The following MYBPC3 variants were observed in gnomAD, a reference collection of about 807,000 sequenced individuals.
MYBPC3 encodes the protein myosin-binding protein C, cardiac-type.
In MYBPC3, 108 loss-of-function variants were observed where a neutral mutation model predicts 159.3. The observed-to-expected ratio is 0.68, with a 90% CI of 0.58 to 0.80. The LOEUF is 0.80. Ranked by LOEUF, MYBPC3 falls within the 30% of genes least tolerant of loss-of-function variation. The pLI is 0.00. For missense variants in MYBPC3, 1,631 were observed against 1,762.1 expected (o/e 0.93, Z 1.33); for synonymous variants, 730 against 702.0 (o/e 1.04, Z -0.63).
Position 47,332,726 on chromosome 11 carries a change from C to A in MYBPC3, c.3491-24G>T, listed in dbSNP as rs1174584152. The A allele has an allele frequency of 6.3e-7, 1 of 1,594,668 alleles. No homozygotes were observed. Among genetic ancestry groups the A allele is most frequent in the Non-Finnish European group, 8.5e-7 (1 of 1,170,162 alleles). On this transcript the variant is annotated intron_variant, in intron 31 of 34. Transcript: ENST00000545968. The surrounding 1 kb of genome is among the most constrained non-coding windows in gnomAD (Gnocchi z 4.2). ...GCCTGTTGGTGACAGGACTTGGTAC[C>A]GAGAGGGCCACACAAAGCTAGGCCC...
intron 23 of MYBPC3, 87 bp from the exon 24 acceptor site, chr11:47,337,881 C>T: frequency 9.0e-7 from 1 of 1,110,720 alleles, no homozygotes; most frequent in Non-Finnish European, 1.3e-6. Context: ...CTCCAACTAA[C>T]CGCCACAGGC....
Position 47,351,261 on chromosome 11 carries a change from G to A in MYBPC3, c.270C>T (p.Phe90=), listed in dbSNP as rs367990952. ...AVIAGSSKVK[F]DLKVIEAEKA... ...TACCTGCCTCTATGACCTTGAGGTC[G>A]AACTTGACCTTGGAGGAGCCAGCAA... The change falls in exon 2 of 35, where the codon TTC becomes TTT. Residue 90 remains phenylalanine, a synonymous_variant. Transcript: ENST00000545968. This position sits in a 1 kb window ranked among gnomAD's most constrained non-coding sequence, Gnocchi z 4.2. The A allele has an allele frequency of 3.1e-5, 48 of 1,548,184 alleles. No homozygotes were observed. The highest frequency in any genetic ancestry group is 1.1e-4 in the African/African-American group (8 of 73,308).
rs1279275222 is a variant in MYBPC3, at chr11:47,342,953, G to A, written c.1352-18C>T. 6.2e-7 allele frequency: 1 copy of A among 1,611,260 alleles called. No individual in the cohort carries two copies. Among genetic ancestry groups the A allele is most frequent in the Non-Finnish European group, 8.5e-7 (1 of 1,178,826 alleles). On this transcript the variant is annotated intron_variant, in intron 15 of 34. Transcript: ENST00000545968. ...AGGGGGCTCTGTCCAGGCAGGGTGA[G>A]CATGAGGGTTGGCTCCCCTGAGGCC...
At chr11:47,348,581 G>T (rs1467308745) in intron 5 of MYBPC3, 40 bp from the exon 6 acceptor site, 3 of 1,523,736 alleles carry the variant, frequency 2.0e-6, no homozygotes, top group Non-Finnish European at 2.7e-6. Context: ...GGACACCAGG[G>T]GCCGGGAGAC....
In MYBPC3 at chr11:47,342,719, G is replaced by T. The variant is rs397515905; in HGVS notation, c.1483C>A (p.Arg495=). The change falls in exon 17 of 35, where the codon CGG becomes AGG. Residue 495 remains arginine, a synonymous_variant. Coordinates refer to ENST00000545968, the MANE Select transcript of MYBPC3 (RefSeq NM_000256.3). ...KWLKDGVELT[R]EETFKYRFKK... is the part of the protein sequence containing the mutation. ...AACCGGTATTTGAAGGTCTCCTCCC[G>T]GGTCAGCTCCACCCCGTCCTTCAGC... 3 of 1,613,880 alleles carry T rather than the reference G, an allele frequency of 1.9e-6. No homozygotes were observed. In the Admixed American group the frequency reaches 5.0e-5, roughly 27 times the overall value.
Position 47,350,061 on chromosome 11 carries a change from G to A in MYBPC3, c.458C>T (p.Pro153Leu), listed in dbSNP as rs756328813. The A allele has an allele frequency of 1.3e-6, 2 of 1,563,340 alleles. No individual in the cohort carries two copies. The highest frequency in any genetic ancestry group is 1.4e-5 in the African/African-American group (1 of 73,550). ...NGPTPGAPDDPIGLFVMRPQD... is the reference protein window; with the variant it reads ...NGPTPGAPDDLIGLFVMRPQD... ...TGGCCGCATCACGAAGAGGCCAATG[G>A]GGTCATCGGGGGCTCCAGGGGTAGG... is the stretch of plus-strand genomic sequence containing the variant. Residue 153 changes from proline (P) to leucine (L), a missense_variant, in exon 4 of 35, where the codon CCC becomes CTC. Physicochemically the swap from Pro to Leu is moderately conservative, Grantham distance 98. Transcript: ENST00000545968.
intron 24 of MYBPC3, 32 bp from the exon 25 acceptor site, chr11:47,337,611 GA>G: frequency 6.2e-7 from 1 of 1,613,492 alleles, no homozygotes; most frequent in East Asian, 2.2e-5. Flanking sequence ...CTCTGGTCTG[GA>G]ACCCAGGCAT....
chr11:47,340,770 T>C (rs561542114), intron 20 of MYBPC3, among the ~76,000 whole-genome samples: 1 of 152,320 alleles, frequency 6.6e-6, no homozygotes, highest in Non-Finnish European at 1.5e-5. Flanking sequence ...TGTCACCTCA[T>C]CTTTATAACT....
In MYBPC3 at chr11:47,332,601, C is replaced by T; in HGVS notation, c.3592G>A (p.Ala1198Thr). The change falls in exon 32 of 35, where the codon GCT becomes ACT. Residue 1198 changes from alanine to threonine, a missense_variant. Coordinates refer to ENST00000545968, the MANE Select transcript of MYBPC3 (RefSeq NM_000256.3). This position sits in a 1 kb window ranked among gnomAD's most constrained non-coding sequence, Gnocchi z 4.2. ...VNRSVIAGYT[A>T]MLCCAVRGSP... is the part of the protein sequence containing the mutation. Reference sequence around the variant, plus strand: ...CCCCGGACAGCACAGCAGAGCATAGCAGTGTAGCCCGCGATGACCGAGCGG... The same window carrying T: ...CCCCGGACAGCACAGCAGAGCATAGTAGTGTAGCCCGCGATGACCGAGCGG... The T allele has an allele frequency of 6.2e-7, 1 of 1,613,886 alleles. No individual in the cohort carries two copies. Among genetic ancestry groups the T allele is most frequent in the Non-Finnish European group, 8.5e-7 (1 of 1,179,864 alleles).
chr11:47,347,168 G>A (rs1390951188), intron 9 of MYBPC3, 139 bp from the exon 10 acceptor site: 21 of 1,443,236 alleles, frequency 1.5e-5, no homozygotes, highest in African/African-American at 2.8e-5. Flanking sequence ...CTGGGTCCCC[G>A]GAGTTTACGG....
At chr11:47,337,863 C>T in intron 23 of MYBPC3, 69 bp from the exon 24 acceptor site, 2 of 1,361,372 alleles carry the variant, frequency 1.5e-6, no homozygotes, top group Non-Finnish European at 2.0e-6. Context: ...TTGCTCGTCC[C>T]CTTCCCACTC....
At position 47,347,918 on chromosome 11, in the gene MYBPC3, G is replaced by T. The variant is rs1394988381; in HGVS notation, c.773-13C>A. On this transcript the variant is annotated splice_polypyrimidine_tract_variant and intron_variant, in intron 6 of 34. Transcript: ENST00000545968. ...GTGCCCATGGCCTCTGGGTTCAAAG[G>T]GTGGAGAGATGGGGGAAGGGGCTTC... is the stretch of plus-strand genomic sequence containing the variant. 7.0e-6 allele frequency: 11 copies of T among 1,571,644 alleles called. No homozygotes were observed. The highest frequency in any genetic ancestry group is 3.7e-5 in the Admixed American group (2 of 53,504).
Position 47,350,082 on chromosome 11 carries a change from G to A in MYBPC3, c.437C>T (p.Thr146Ile), listed in dbSNP as rs780458215. ...AATGGGGTCATCGGGGGCTCCAGGG[G>A]TAGGACCATTGAGAGCTGCTGAGCT... ...GSSSAALNGP[T>I]PGAPDDPIGL... is the part of the protein sequence containing the mutation. The change falls in exon 4 of 35, where the codon ACC becomes ATC. Residue 146 changes from threonine to isoleucine, a missense_variant. Thr to Ile is a moderately conservative substitution (Grantham distance 89, BLOSUM62 -1). Coordinates refer to ENST00000545968, the MANE Select transcript of MYBPC3 (RefSeq NM_000256.3). The A allele has an allele frequency of 6.4e-6, 10 of 1,560,426 alleles. No individual in the cohort carries two copies. In the South Asian group the frequency reaches 9.5e-5, roughly 15 times the overall value.
At chr11:47,342,192 G>T in intron 17 of MYBPC3, 36 bp from the exon 18 acceptor site, 8 of 1,604,438 alleles carry the variant, frequency 5.0e-6, no homozygotes, top group Non-Finnish European at 6.8e-6. Flanking sequence ...GCTCGGGAGG[G>T]TGTGTGGGTG....
At position 47,332,315 on chromosome 11, in the gene MYBPC3, A is replaced by T; in HGVS notation, c.3628-57T>A. ...CATCCAGGCTGAGAGGGGACCTGGC[A>T]GGGACCCAGGGAGACACATCTGTGT... On this transcript the variant is annotated intron_variant, in intron 32 of 34. Transcript: ENST00000545968. The surrounding 1 kb of genome is among the most constrained non-coding windows in gnomAD (Gnocchi z 4.2). 3 of 1,568,542 alleles carry T rather than the reference A, an allele frequency of 1.9e-6. No individual in the cohort carries two copies. Among genetic ancestry groups the T allele is most frequent in the Non-Finnish European group, 1.8e-6 (2 of 1,140,020 alleles).
rs730880606 is a variant in MYBPC3, at chr11:47,332,107, C to T, written c.3779G>A (p.Gly1260Asp). Residue 1260 changes from glycine (G) to aspartate (D), a missense_variant, in exon 33 of 35, where the codon GGC (glycine) becomes GAC (aspartate). Gly to Asp is a moderately conservative substitution (Grantham distance 94, BLOSUM62 -1). Coordinates refer to ENST00000545968, the MANE Select transcript of MYBPC3 (RefSeq NM_000256.3). The surrounding 1 kb of genome is among the most constrained non-coding windows in gnomAD (Gnocchi z 4.2). ...IYVCRATNLQGEARCECRLEV... is the reference protein window; with the variant it reads ...IYVCRATNLQDEARCECRLEV... ...CAGGCGGCACTCACACCGTGCCTCG[C>T]CCTGTAAGTTGGTGGCCCTGCAGAC... 1.2e-6 allele frequency: 2 copies of T among 1,613,370 alleles called. No homozygotes were observed. Among genetic ancestry groups the T allele is most frequent in the Admixed American group, 3.3e-5 (2 of 60,018 alleles).
intron 22 of MYBPC3, 50 bp downstream of exon 22, chr11:47,339,274 G>A (rs775031495): frequency 1.3e-6 from 2 of 1,591,858 alleles, no homozygotes; most frequent in African/African-American, 2.7e-5. Flanking sequence ...CACGTAGGTA[G>A]AAAGTGATGA....
At chr11:47,339,300 C>T (rs748265554) in intron 22 of MYBPC3, 24 bp downstream of exon 22, 27 of 1,612,092 alleles carry the variant, frequency 1.7e-5, no homozygotes, top group Non-Finnish European at 2.1e-5. Context: ...AAACGAGCCT[C>T]CTCCTGACCT....
chr11:47,339,746 T>A lies in MYBPC3; in HGVS notation c.1972A>T (p.Thr658Ser), dbSNP rs950381214. The change falls in exon 21 of 35, where the codon ACC (threonine) becomes TCC (serine). Residue 658 changes from threonine to serine, a missense_variant. Thr to Ser is a moderately conservative substitution (Grantham distance 58). Coordinates refer to ENST00000545968, the MANE Select transcript of MYBPC3 (RefSeq NM_000256.3). ...TTATTTCCAGCTACAACCACAATGG[T>A]GTCTGGTATGCGGCCTGGGCAGTCC... ...HLDCPGRIPD[T>S]IVVVAGNKLR... is the part of the protein sequence containing the mutation. The A allele has an allele frequency of 5.6e-6, 9 of 1,613,670 alleles. No homozygotes were observed. Among genetic ancestry groups the A allele is most frequent in the South Asian group, 3.3e-5 (3 of 91,082 alleles).
Sources: gnomAD v4.1 joint callset for allele counts (sites outside exome capture counted in the v4.1 genomes callset) on GRCh38, gnomAD v4.1.1 for gene constraint, Gnocchi (gnomAD v3.1) non-coding constraint, MANE v1.5 for transcripts, NCBI Gene and HGNC (gene_info 2026-07-23, HGNC 2026-07-21) for gene names.